PDGFC: variants seen among roughly 807,000 people sequenced by gnomAD.
PDGFC encodes the protein platelet derived growth factor C, also known as platelet-derived growth factor C.
A neutral mutation model predicts 35.5 loss-of-function variants in PDGFC; 12 were observed. That is an observed-to-expected ratio of 0.34 (90% confidence interval 0.22 to 0.55). PDGFC has a LOEUF of 0.55. Ranked by LOEUF, PDGFC falls within the 20% of genes least tolerant of loss-of-function variation. PDGFC has a pLI of 0.91. For synonymous variants in PDGFC, 159 were observed against 148.8 expected, an observed-to-expected ratio of 1.07 and a Z score of -0.50; for missense variants, 322 against 412.4, an observed-to-expected ratio of 0.78 and a Z score of 1.90.
intron 1 of PDGFC, among the ~76,000 whole-genome samples, chr4:156,926,028 G>A (rs1284312657): frequency 7.1e-6 from 1 of 141,520 alleles, no homozygotes; most frequent in African/African-American, 2.6e-5. Flanking sequence ...ACTCCAGCCT[G>A]GGTGAAAGTA....
intron 3 of PDGFC, among the ~76,000 whole-genome samples, chr4:156,782,945 C>A (rs1731022649): frequency 6.6e-6 from 1 of 152,062 alleles, no homozygotes. Flanking sequence ...GATGGAAAAA[C>A]CTGTGTCCTT....
At chr4:156,969,822 T>C (rs1439354364) in intron 1 of PDGFC, among the ~76,000 whole-genome samples, 1 of 152,210 alleles carries the variant, frequency 6.6e-6, no homozygotes, top group African/African-American at 2.4e-5. Flanking sequence ...GGGCGTTAAA[T>C]ATTCCAATTT....
intron 2 of PDGFC, among the ~76,000 whole-genome samples, chr4:156,819,112 G>C (rs1732176899): frequency 6.6e-6 from 1 of 152,172 alleles, no homozygotes; most frequent in Non-Finnish European, 1.5e-5. Context: ...GCTAACAGAG[G>C]TTGCTTCATG....
At chr4:156,798,178 C>T (rs1036483465) in intron 3 of PDGFC, among the ~76,000 whole-genome samples, 2 of 152,190 alleles carry the variant, frequency 1.3e-5, no homozygotes, top group South Asian at 2.1e-4. Flanking sequence ...GGCGACAGAG[C>T]GAGACTCCGT....
rs753484240 is a variant in PDGFC, at chr4:156,767,852, C to T, written c.842G>A (p.Gly281Asp). The change falls in exon 5 of 6, where the codon GGT (glycine) becomes GAT (aspartate). Residue 281 changes from glycine to aspartate, a missense_variant. This residue lies in a region of PDGFC where 202 missense variants were observed against 295.9 expected (regional missense o/e 0.68). Coordinates refer to ENST00000502773, the MANE Select transcript of PDGFC (RefSeq NM_016205.3). ...WPGCLLVKRCGGNCACCLHNC... is the reference protein window; with the variant it reads ...WPGCLLVKRCDGNCACCLHNC... Reference sequence around the variant, plus strand: ...GTGGAGACAACAGGCACAGTTCCCACCACAGCGTTTAACCAGGAGACAACC... The same window carrying T: ...GTGGAGACAACAGGCACAGTTCCCATCACAGCGTTTAACCAGGAGACAACC... 6.2e-6 allele frequency: 10 copies of T among 1,613,450 alleles called. No homozygotes were observed. In the South Asian group the frequency reaches 9.9e-5, roughly 16 times the overall value.
chr4:156,955,168 G>T (rs943212028), intron 1 of PDGFC, among the ~76,000 whole-genome samples: 5 of 151,932 alleles, frequency 3.3e-5, no homozygotes, highest in African/African-American at 1.2e-4. Context: ...TGAACACGCA[G>T]CATGAAGGAG....
chr4:156,795,546 T>C (rs946132146), intron 3 of PDGFC, among the ~76,000 whole-genome samples: 13 of 152,136 alleles, frequency 8.5e-5, no homozygotes, highest in Non-Finnish European at 4.4e-5. Context: ...TTTACCAATA[T>C]GTACATAATT....
intron 1 of PDGFC, among the ~76,000 whole-genome samples, chr4:156,950,248 T>G (rs1281614165): frequency 1.3e-5 from 2 of 151,792 alleles, no homozygotes; most frequent in Non-Finnish European, 2.9e-5. Flanking sequence ...TTCCCTCCAT[T>G]CCAGGATGAG....
intron 1 of PDGFC, among the ~76,000 whole-genome samples, chr4:156,935,496 A>G (rs1302465782): frequency 6.6e-6 from 1 of 152,146 alleles, no homozygotes; most frequent in Non-Finnish European, 1.5e-5. Flanking sequence ...ACATGTGAGT[A>G]ATACACTGCA....
chr4:156,913,646 C>A lies in PDGFC; in HGVS notation c.118+57140G>T, dbSNP rs549999697. Among the ~76,000 whole-genome samples, 14 of 151,126 alleles carry A rather than the reference C, an allele frequency of 9.3e-5. No homozygotes were observed. The East Asian group carries it at 2.6e-3, about 28-fold the overall frequency. On this transcript the variant is annotated intron_variant, in intron 1 of 5. Transcript: ENST00000502773. ...GAATTCCTAAGACCCCAATAAACAC[C>A]TTATCTTACTACTTTTCAGTCTGGT...
intron 2 of PDGFC, among the ~76,000 whole-genome samples, chr4:156,831,291 A>G (rs1728925394): frequency 6.6e-6 from 1 of 150,890 alleles, no homozygotes; most frequent in Non-Finnish European, 1.5e-5. Context: ...GGTTATTCAC[A>G]TTAAATATAA....
intron 2 of PDGFC, among the ~76,000 whole-genome samples, chr4:156,849,044 T>C (rs1379821995): frequency 1.3e-5 from 2 of 151,996 alleles, no homozygotes; most frequent in Non-Finnish European, 2.9e-5. Flanking sequence ...CTTGCAATTT[T>C]TGACAAGATT....
At chr4:156,954,323 T>G (rs1458423571) in intron 1 of PDGFC, among the ~76,000 whole-genome samples, 1 of 152,000 alleles carries the variant, frequency 6.6e-6, no homozygotes, top group Non-Finnish European at 1.5e-5. Flanking sequence ...AAAAACTATA[T>G]TCTTTGAGTG....
chr4:156,809,050 C>T (rs554274311), intron 3 of PDGFC, among the ~76,000 whole-genome samples: 1 of 151,922 alleles, frequency 6.6e-6, no homozygotes, highest in Admixed American at 6.6e-5. Flanking sequence ...TATTGTTTTC[C>T]TAAACATAGT....
intron 2 of PDGFC, among the ~76,000 whole-genome samples, chr4:156,817,743 A>G: frequency 6.6e-6 from 1 of 152,096 alleles, no homozygotes; most frequent in Non-Finnish European, 1.5e-5. Flanking sequence ...CAGCGCAGCT[A>G]TCCTCCCCAT....
intron 1 of PDGFC, among the ~76,000 whole-genome samples, chr4:156,856,790 T>C (rs1165565023): frequency 6.6e-6 from 1 of 152,144 alleles, no homozygotes; most frequent in Non-Finnish European, 1.5e-5. Context: ...GATTTACAAT[T>C]TATAGACCCT....
intron 1 of PDGFC, among the ~76,000 whole-genome samples, chr4:156,920,285 C>T (rs192724151): frequency 6.6e-6 from 1 of 152,324 alleles, no homozygotes; most frequent in East Asian, 1.9e-4. Context: ...ATTGTTATTA[C>T]ATCTAAGAAA....
At chr4:156,916,241 T>C (rs901694067) in intron 1 of PDGFC, among the ~76,000 whole-genome samples, 3 of 152,152 alleles carry the variant, frequency 2.0e-5, no homozygotes, top group Non-Finnish European at 4.4e-5. Context: ...TTAGACCCTG[T>C]TGCAAAAGGG....
At chr4:156,818,579 G>A (rs1732159515) in intron 2 of PDGFC, among the ~76,000 whole-genome samples, 1 of 131,610 alleles carries the variant, frequency 7.6e-6, no homozygotes, top group African/African-American at 2.9e-5. Context: ...GGAGTGCAGT[G>A]GCGCGATCTT....
Sources: allele counts gnomAD v4.1 joint callset (sites outside exome capture counted in the v4.1 genomes callset), GRCh38; gene constraint gnomAD v4.1.1; regional missense constraint gnomAD v4.1.1; transcripts MANE v1.5; gene names NCBI Gene and HGNC (gene_info 2026-07-23, HGNC 2026-07-21).